The following KHDRBS2 variants were observed in gnomAD, a reference collection of about 807,000 sequenced individuals.
The protein encoded by KHDRBS2 is KH domain-containing, RNA-binding, signal transduction-associated protein 2.
In KHDRBS2, 26 loss-of-function variants were observed where a neutral mutation model predicts 44.3. That is an observed-to-expected ratio of 0.59 (90% CI 0.43 to 0.81). The LOEUF (loss-of-function observed/expected upper bound fraction) is 0.81. Ranked by LOEUF, KHDRBS2 falls within the 40% of genes least tolerant of loss-of-function variation. KHDRBS2 has a pLI of 0.00. For missense variants in KHDRBS2, 476 were observed against 433.1 expected, an observed-to-expected ratio of 1.10 and a Z score of -0.88; for synonymous variants, 194 against 151.1, an observed-to-expected ratio of 1.28 and a Z score of -2.08.
At position 61,905,220 on chromosome 6, in the gene KHDRBS2, A is replaced by G. The variant is rs139196649; in HGVS notation, c.484-3849T>C. 4.4e-3 allele frequency among the ~76,000 whole-genome samples: 677 copies of G among 152,308 alleles called. 8 individuals carry two copies. Among genetic ancestry groups the G allele is most frequent in the African/African-American group, 0.015 (636 of 41,558 alleles). On this transcript the variant is annotated intron_variant, in intron 4 of 8. Coordinates refer to ENST00000281156, the MANE Select transcript of KHDRBS2 (RefSeq NM_152688.4). Reference sequence around the variant, plus strand: ...ACACAAACCATATTTTGAGCCAGAGATTGGAACAAATTGGCTGACACAGAG... The same window carrying G: ...ACACAAACCATATTTTGAGCCAGAGGTTGGAACAAATTGGCTGACACAGAG...
intron 2 of KHDRBS2, among the ~76,000 whole-genome samples, chr6:62,072,164 G>A (rs1325617800): frequency 1.3e-5 from 2 of 151,846 alleles, no homozygotes; most frequent in Non-Finnish European, 2.9e-5. Context: ...GTGTATAAGA[G>A]TGCTTGTGAT....
intron 2 of KHDRBS2, among the ~76,000 whole-genome samples, chr6:62,063,745 C>T (rs372985951): frequency 4.7e-5 from 6 of 128,456 alleles, no homozygotes; most frequent in Non-Finnish European, 6.6e-5. Context: ...TCTCTCACCA[C>T]TCCTATTCAA....
At chr6:62,019,967 T>C (rs1225893602) in intron 3 of KHDRBS2, among the ~76,000 whole-genome samples, 1 of 151,862 alleles carries the variant, frequency 6.6e-6, no homozygotes, top group Non-Finnish European at 1.5e-5. Flanking sequence ...CTTTATTTTA[T>C]ACTTAATTTG....
intron 4 of KHDRBS2, among the ~76,000 whole-genome samples, chr6:61,950,088 T>A (rs986588879): frequency 6.6e-6 from 1 of 152,080 alleles, no homozygotes; most frequent in African/African-American, 2.4e-5. Flanking sequence ...GGGGATTGCA[T>A]GACTAAAAAT....
intron 7 of KHDRBS2, among the ~76,000 whole-genome samples, chr6:61,732,192 T>C (rs1774579343): frequency 6.6e-6 from 1 of 152,036 alleles, no homozygotes; most frequent in Non-Finnish European, 1.5e-5. Flanking sequence ...AAATTTTGGG[T>C]CAATCTAACG....
intron 6 of KHDRBS2, among the ~76,000 whole-genome samples, chr6:61,879,609 T>G (rs754758304): frequency 1.3e-4 from 19 of 151,950 alleles, no homozygotes; most frequent in Non-Finnish European, 2.5e-4. Flanking sequence ...CCTGTGGAAA[T>G]TAGCATAACA....
chr6:61,970,159 C>A (rs1306792855), intron 4 of KHDRBS2, among the ~76,000 whole-genome samples: 2 of 151,880 alleles, frequency 1.3e-5, no homozygotes. Context: ...TAATATCATG[C>A]AATCTTGTTG....
chr6:61,824,443 T>A (rs1790517814), intron 6 of KHDRBS2, among the ~76,000 whole-genome samples: 1 of 152,092 alleles, frequency 6.6e-6, no homozygotes, highest in Admixed American at 6.6e-5. Context: ...TGATTGTAAG[T>A]TTCCTAAGGC....
intron 1 of KHDRBS2, among the ~76,000 whole-genome samples, chr6:62,242,024 C>G (rs1258830074): frequency 6.6e-6 from 1 of 152,146 alleles, no homozygotes; most frequent in East Asian, 1.9e-4. Flanking sequence ...CAACTGAAAA[C>G]TTCTACTTTG....
intron 4 of KHDRBS2, among the ~76,000 whole-genome samples, chr6:61,941,778 A>G (rs2127376199): frequency 6.6e-6 from 1 of 152,338 alleles, no homozygotes; most frequent in African/African-American, 2.4e-5. Context: ...CTGCTATTAA[A>G]GCAAATTTAA....
intron 3 of KHDRBS2, among the ~76,000 whole-genome samples, chr6:62,023,062 C>T (rs1394240916): frequency 6.6e-6 from 1 of 151,336 alleles, no homozygotes; most frequent in South Asian, 2.1e-4. Flanking sequence ...TAGCTTAGAA[C>T]GTGAAAAAGA....
intron 4 of KHDRBS2, among the ~76,000 whole-genome samples, chr6:61,955,964 A>G (rs1039482121): frequency 2.0e-5 from 3 of 152,110 alleles, no homozygotes; most frequent in African/African-American, 7.2e-5. Flanking sequence ...GAATGCAAGA[A>G]GTCTAGCTAT....
chr6:61,690,287 C>A (rs1767253899), intron 8 of KHDRBS2, among the ~76,000 whole-genome samples: 1 of 151,808 alleles, frequency 6.6e-6, no homozygotes, highest in Non-Finnish European at 1.5e-5. Flanking sequence ...ATAAACAATT[C>A]ATTTTTCATA....
chr6:61,574,420 A>G, the KHDRBS2 span: 1 of 1,510,242 alleles, frequency 6.6e-7, no homozygotes, highest in East Asian at 2.5e-5. Flanking sequence ...AGACGAGAAG[A>G]CCATATGGAG....
intron 4 of KHDRBS2, among the ~76,000 whole-genome samples, chr6:61,952,898 T>C (rs1041212245): frequency 2.6e-5 from 4 of 152,090 alleles, no homozygotes; most frequent in African/African-American, 9.7e-5. Flanking sequence ...TATTCTATTG[T>C]CTTCTCCATT....
chr6:61,688,805 C>G (rs185509639), intron 8 of KHDRBS2, among the ~76,000 whole-genome samples: 124 of 152,048 alleles, frequency 8.2e-4, no homozygotes, highest in Non-Finnish European at 1.5e-3. Context: ...TGTGAAAGAT[C>G]TTAGTTAGTC....
At position 61,843,023 on chromosome 6, in the gene KHDRBS2, C is replaced by A. The variant is rs1249766172; in HGVS notation, c.810+51612G>T. 4.0e-5 allele frequency among the ~76,000 whole-genome samples: 6 copies of A among 149,210 alleles called. No individual in the cohort carries two copies. The East Asian group carries it at 1.2e-3, about 30-fold the overall frequency. On this transcript the variant is annotated intron_variant, in intron 6 of 8. Coordinates refer to ENST00000281156, the MANE Select transcript of KHDRBS2 (RefSeq NM_152688.4). Reference sequence around the variant, plus strand: ...CATAAAAAACAACAAAGTTCTGATACATGTTAAAAAATTCATGAGCCTTGA... The same window carrying A: ...CATAAAAAACAACAAAGTTCTGATAAATGTTAAAAAATTCATGAGCCTTGA...
intron 6 of KHDRBS2, among the ~76,000 whole-genome samples, chr6:61,737,608 C>A (rs1162174070): frequency 1.3e-5 from 2 of 151,942 alleles, no homozygotes; most frequent in African/African-American, 4.8e-5. Context: ...TTTCCTAATG[C>A]CAGCACTAAG....
At chr6:61,739,725 C>T (rs75379838) in intron 6 of KHDRBS2, among the ~76,000 whole-genome samples, 18 of 151,998 alleles carry the variant, frequency 1.2e-4, no homozygotes, top group Admixed American at 9.2e-4. Context: ...AGTGTAAAAA[C>T]TCTTATTACA....
Sources: allele counts gnomAD v4.1 joint callset (sites outside exome capture counted in the v4.1 genomes callset), GRCh38; gene constraint gnomAD v4.1.1; transcripts MANE v1.5; gene names NCBI Gene and HGNC (gene_info 2026-07-23, HGNC 2026-07-21).